The following ITGB2 variants were observed in gnomAD, a reference collection of about 807,000 sequenced individuals.
ITGB2 encodes integrin subunit beta 2, also known as integrin beta-2.
ITGB2 carries 56 observed loss-of-function variants against 86.8 expected under a neutral mutation model. That is an observed-to-expected ratio of 0.65 (90% confidence interval 0.52 to 0.81). ITGB2 has a LOEUF of 0.81. Ranked by LOEUF, ITGB2 falls within the 30% of genes least tolerant of loss-of-function variation. The pLI, the probability that ITGB2 is intolerant of heterozygous loss-of-function variation, is 0.00. For synonymous variants in ITGB2, 457 were observed against 450.4 expected (o/e 1.01, Z -0.19); for missense variants, 948 against 1,061.2 (o/e 0.89, Z 1.48).
intron 3 of ITGB2, chr21:44,908,121 C>A (rs113986530): frequency 1.4e-6 from 1 of 729,760 alleles, no homozygotes; most frequent in East Asian, 2.6e-5. Flanking sequence ...GGGAGCCACC[C>A]GGCTTCTCCT....
Position 44,893,388 on chromosome 21 carries a change from T to C in ITGB2, c.1224+16A>G, listed in dbSNP as rs1446785094. ...CCTCAGCAAGCTGGGATGGGGACCCTTGTGGCCAGGCTCACCGGGACATTG... is the reference window on the plus strand; with the variant it reads ...CCTCAGCAAGCTGGGATGGGGACCCCTGTGGCCAGGCTCACCGGGACATTG... On this transcript the variant is annotated intron_variant, in intron 10 of 15. Transcript: ENST00000652462. 5 of 1,613,182 alleles carry C rather than the reference T, an allele frequency of 3.1e-6. No individual in the cohort carries two copies. In the Admixed American group the frequency reaches 6.7e-5, roughly 22 times the overall value.
At chr21:44,925,474 A>G (rs574770249), upstream of ITGB2, among the ~76,000 whole-genome samples, 5 of 150,174 alleles carry the variant, frequency 3.3e-5, no homozygotes, top group Admixed American at 1.3e-4. Flanking sequence ...GAAGGAAGGA[A>G]GGAAGGAAAA....
At chr21:44,910,511 AC>A in intron 2 of ITGB2, 139 bp from the exon 3 acceptor site, 1 of 1,529,198 alleles carries the variant, frequency 6.5e-7, no homozygotes, top group Non-Finnish European at 8.9e-7. Context: ...ATTCGCCACC[AC>A]CCCCAGGTGC....
chr21:44,886,368 C>T lies in ITGB2; in HGVS notation c.2310G>A (p.Ter770=), dbSNP rs762881198. 1.9e-6 allele frequency: 3 copies of T among 1,614,082 alleles called. No individual in the cohort carries two copies. Among genetic ancestry groups the T allele is most frequent in the Non-Finnish European group, 2.5e-6 (3 of 1,179,934 alleles). The change falls in exon 16 of 16, where the codon TAG becomes TAA. Residue 770 remains the stop codon, a stop_retained_variant. Transcript: ENST00000652462. ...TVMNPKFAES[*] Reference sequence around the variant, plus strand: ...ACGGCCTTGTCTTCACCAAGTGCTCCTAACTCTCAGCAAACTTGGGGTTCA... The same window carrying T: ...ACGGCCTTGTCTTCACCAAGTGCTCTTAACTCTCAGCAAACTTGGGGTTCA...
chr21:44,900,467 G>T lies in ITGB2; in HGVS notation c.750C>A (p.Ile250=). ...GCAGCCGCGTGACGTTGCGCCAGCC[G>T]ATTTCCTCCTGAGAAGAAGGCGTGG... is the stretch of plus-strand genomic sequence containing the variant. ...MMQVAACPEE[I]GWRNVTRLLV... Residue 250 remains isoleucine, a synonymous_variant, in exon 7 of 16, where the codon ATC becomes ATA. Transcript: ENST00000652462. 6.2e-7 allele frequency: 1 copy of T among 1,614,006 alleles called. No individual in the cohort carries two copies. The highest frequency in any genetic ancestry group is 8.5e-7 in the Non-Finnish European group (1 of 1,179,966).
chr21:44,921,444 G>A (rs1359894500), upstream of ITGB2: 1 of 153,034 alleles, frequency 6.5e-6, no homozygotes, highest in Non-Finnish European at 1.5e-5. Flanking sequence ...ACAGGAGGAA[G>A]GCTGCGGATC....
Position 44,910,269 on chromosome 21 carries a change from C to T in ITGB2, c.147+15G>A, listed in dbSNP as rs371093859. The T allele has an allele frequency of 3.1e-6, 5 of 1,612,764 alleles. No individual in the cohort carries two copies. The highest frequency in any genetic ancestry group is 1.7e-5 in the Admixed American group (1 of 59,890). ...AGGAGCTGGGCAGGTGGGGAGGGGT[C>T]CAGGAGGCACTTACCAGCTTCTGGC... is the stretch of plus-strand genomic sequence containing the variant. On this transcript the variant is annotated intron_variant, in intron 3 of 15. Coordinates refer to ENST00000652462, the MANE Select transcript of ITGB2 (RefSeq NM_000211.5).
chr21:44,893,254 GC>G, intron 10 of ITGB2, 149 bp downstream of exon 10: 1 of 876,956 alleles, frequency 1.1e-6, no homozygotes, highest in Non-Finnish European at 1.8e-6. Flanking sequence ...GCCCCTCCCT[GC>G]CCCCGTCAGA....
Position 44,897,685 on chromosome 21 carries a change from T to C in ITGB2, c.993+1382A>G, listed in dbSNP as rs565222785. 3.3e-5 allele frequency among the ~76,000 whole-genome samples: 5 copies of C among 152,260 alleles called. No individual in the cohort carries two copies. The South Asian group carries it at 1.0e-3, about 32-fold the overall frequency. On this transcript the variant is annotated intron_variant, in intron 8 of 15. Transcript: ENST00000652462. ...GTGTGAGGTGAGCCACCCAGGGCCC[T>C]GTCCACCCTGAAGAACGGGGCACGT... is the stretch of plus-strand genomic sequence containing the variant.
rs2084124001 is a variant in ITGB2, at chr21:44,911,033, G to A, written c.-3-248C>T. On this transcript the variant is annotated intron_variant, in intron 1 of 15. Transcript: ENST00000652462. Reference sequence around the variant, plus strand: ...CCAGGCACCCAGGACAGCTGCAGCGGGCCCCTGCAGAGGCACACAACACAG... The same window carrying A: ...CCAGGCACCCAGGACAGCTGCAGCGAGCCCCTGCAGAGGCACACAACACAG... The A allele has an allele frequency of 2.1e-5, 12 of 570,896 alleles. No individual in the cohort carries two copies. The South Asian group carries it at 2.4e-4, about 11-fold the overall frequency. 35.4% of individuals were successfully genotyped at this position (570,896 alleles called of 1,614,324 possible).
At chr21:44,923,611 G>C (rs1412396188), upstream of ITGB2, among the ~76,000 whole-genome samples, 1 of 152,014 alleles carries the variant, frequency 6.6e-6, no homozygotes, top group Non-Finnish European at 1.5e-5. Context: ...TTTGTAGTAA[G>C]ATTAAAAAAA....
chr21:44,889,196 C>T, intron 13 of ITGB2, 80 bp downstream of exon 13: 2 of 1,390,656 alleles, frequency 1.4e-6, no homozygotes, highest in Non-Finnish European at 2.0e-6. Flanking sequence ...TCACTGGGGT[C>T]CCCGAGTGAG....
At position 44,886,437 on chromosome 21, in the gene ITGB2, G is replaced by C. The variant is rs780740229; in HGVS notation, c.2248-7C>G. The C allele has an allele frequency of 6.8e-6, 11 of 1,613,926 alleles. No homozygotes were observed. In the East Asian group the frequency reaches 2.5e-4, roughly 36 times the overall value. The stretch of plus-strand genomic sequence containing the variant: ...TCTTGAAAAGGGGATTATCCTGGTG[G>C]GAAATGCAAACAGGGGCTTGTGAGT... On this transcript the variant is annotated splice_region_variant and splice_polypyrimidine_tract_variant and intron_variant, in intron 15 of 15. Coordinates refer to ENST00000652462, the MANE Select transcript of ITGB2 (RefSeq NM_000211.5).
intron 1 of ITGB2, among the ~76,000 whole-genome samples, chr21:44,917,283 G>C (rs149052172): frequency 1.4e-3 from 217 of 152,266 alleles, no homozygotes; most frequent in Admixed American, 2.6e-3. Context: ...GGGCAGCTTG[G>C]CTTCGTGGTA....
intron 4 of ITGB2, among the ~76,000 whole-genome samples, chr21:44,904,698 T>C (rs935061623): frequency 2.7e-5 from 4 of 150,528 alleles, no homozygotes; most frequent in African/African-American, 9.8e-5. Context: ...ACCACACACA[T>C]GCACTCACAT....
At chr21:44,902,237 G>T (rs1568893982) in intron 5 of ITGB2, among the ~76,000 whole-genome samples, 1 of 152,246 alleles carries the variant, frequency 6.6e-6, no homozygotes, top group Non-Finnish European at 1.5e-5. Flanking sequence ...ACATACATGG[G>T]TGATCATGAG....
chr21:44,894,427 C>T (rs2083833925), intron 9 of ITGB2: 1 of 194,130 alleles, frequency 5.2e-6, no homozygotes, highest in South Asian at 9.4e-5. Context: ...ACCTAGTGCG[C>T]ACCTATGCCT....
chr21:44,905,213 G>A (rs368388981), intron 4 of ITGB2, among the ~76,000 whole-genome samples: 1 of 152,090 alleles, frequency 6.6e-6, no homozygotes, highest in African/African-American at 2.4e-5. Flanking sequence ...AGGACCCCGC[G>A]AGAGGACAGT....
rs149804641 is a variant in ITGB2 at position 44,886,929 on chromosome 21, G to A, written c.2081-27C>T. On this transcript the variant is annotated intron_variant, in intron 14 of 15. Transcript: ENST00000652462. ...TAGGGAAGAAGCAGCACACCTGAGCGTCAGTCCAGCCCCATCTCACTGAGC... is the reference window on the plus strand; with the variant it reads ...TAGGGAAGAAGCAGCACACCTGAGCATCAGTCCAGCCCCATCTCACTGAGC... 4,829 of 1,609,654 alleles carry A rather than the reference G, an allele frequency of 3.0e-3. 12 individuals are homozygous for A. Among genetic ancestry groups the A allele is most frequent in the African/African-American group, 7.4e-3 (557 of 75,040 alleles).
Sources: allele counts gnomAD v4.1 joint callset (sites outside exome capture counted in the v4.1 genomes callset), GRCh38; gene constraint gnomAD v4.1.1; transcripts MANE v1.5; gene names NCBI Gene and HGNC (gene_info 2026-07-23, HGNC 2026-07-21).